C11orf24: variants seen among roughly 807,000 people sequenced by gnomAD.
C11orf24 encodes the protein chromosome 11 open reading frame 24, also known as uncharacterized protein C11orf24.
C11orf24 carries 5 observed loss-of-function variants against 7.3 expected under a neutral mutation model. That is an observed-to-expected ratio of 0.69 (90% confidence interval 0.36 to 1.45). The LOEUF is 1.45. Among genes scored for constraint, C11orf24 ranks in the 40% most tolerant of loss-of-function variants. C11orf24 has a pLI of 0.03. For synonymous variants in C11orf24, 233 were observed against 235.7 expected, an observed-to-expected ratio of 0.99 and a Z score of 0.11; for missense variants, 566 against 590.5, an observed-to-expected ratio of 0.96 and a Z score of 0.43.
rs1179962863 is a variant in C11orf24 at position 68,262,661 on chromosome 11, AG to A, written c.333del (p.Ser112ProfsTer15). On this transcript the variant is annotated frameshift_variant, in exon 4 of 4. Coordinates refer to ENST00000304271, the MANE Select transcript of C11orf24 (RefSeq NM_022338.4). LOFTEE classifies it low-confidence loss of function (END_TRUNC). ...GVTSIAPTAV[A>X]SSTTAASITT... ...GTAATGGAGGCCGCAGTCGTACTGGAGGCCACAGCCGTGGGAGCAATGGAGG... is the reference window on the plus strand; with the variant it reads ...GTAATGGAGGCCGCAGTCGTACTGGAGCCACAGCCGTGGGAGCAATGGAGG... 1 of 1,614,064 alleles carries A rather than the reference AG, an allele frequency of 6.2e-7. No individual in the cohort carries two copies. Among genetic ancestry groups the A allele is most frequent in the East Asian group, 2.2e-5 (1 of 44,878 alleles).
At chr11:68,267,745 TGA>T (rs2098565943) in intron 2 of C11orf24, 1 of 152,322 alleles carries the variant, frequency 6.6e-6, no homozygotes. Context: ...CCCAGCTACT[TGA>T]GAGGCTGAGG....
rs549353420 is a variant in C11orf24, at chr11:68,262,653, C to T, written c.342G>A (p.Thr114=). Residue 114 remains threonine (T), a synonymous_variant, in exon 4 of 4, where the codon ACG becomes ACA. Transcript: ENST00000304271. ...CCGCAGTCGTAATGGAGGCCGCAGT[C>T]GTACTGGAGGCCACAGCCGTGGGAG... is the stretch of plus-strand genomic sequence containing the variant. ...SIAPTAVASS[T]TAASITTAAS... The T allele has an allele frequency of 1.1e-5, 17 of 1,614,014 alleles. No homozygotes were observed. Among genetic ancestry groups the T allele is most frequent in the African/African-American group, 4.0e-5 (3 of 74,990 alleles).
At position 68,261,968 on chromosome 11, in the gene C11orf24, C is replaced by T; in HGVS notation, c.1027G>A (p.Ala343Thr). 1 of 1,613,934 alleles carries T rather than the reference C, an allele frequency of 6.2e-7. No individual in the cohort carries two copies. The highest frequency in any genetic ancestry group is 8.5e-7 in the Non-Finnish European group (1 of 1,180,024). The stretch of plus-strand genomic sequence containing the variant: ...GCTTCAGTCTCTACCTGCTCCGGTG[C>T]CTGGGATGTGCCTGGCCCAGCGGCC... ...QRAAGPGTSQ[A>T]PEQVETEATP... Residue 343 changes from alanine to threonine, a missense_variant, in exon 4 of 4, where the codon GCA becomes ACA. Physicochemically the swap from Ala to Thr is moderately conservative, Grantham distance 58. Coordinates refer to ENST00000304271, the MANE Select transcript of C11orf24 (RefSeq NM_022338.4).
chr11:68,264,613 TCCA>T (rs2098563892), intron 2 of C11orf24, among the ~76,000 whole-genome samples: 1 of 89,064 alleles, frequency 1.1e-5, no homozygotes. Context: ...CATCCATCCA[TCCA>T]TCCATCCACC....
At chr11:68,267,755 A>T (rs2098565952) in intron 2 of C11orf24, 2 of 152,396 alleles carry the variant, frequency 1.3e-5, no homozygotes, top group African/African-American at 4.8e-5. Flanking sequence ...TGAGAGGCTG[A>T]GGTGGGAGGA....
chr11:68,266,073 T>C (rs767464422), intron 2 of C11orf24, among the ~76,000 whole-genome samples: 1 of 152,170 alleles, frequency 6.6e-6, no homozygotes, highest in Non-Finnish European at 1.5e-5. Flanking sequence ...CAAGAGACCA[T>C]GCAAGGGGAG....
At position 68,263,786 on chromosome 11, in the gene C11orf24, G is replaced by C. The variant is rs759236638; in HGVS notation, c.-19C>G. ...TCCACATCTTGTGGGTGAGCTGGGAGCAAGGCTGGGCGGTCCCCGAGGCTC... is the reference window on the plus strand; with the variant it reads ...TCCACATCTTGTGGGTGAGCTGGGACCAAGGCTGGGCGGTCCCCGAGGCTC... On this transcript the variant is annotated 5_prime_UTR_variant, in exon 3 of 4. Coordinates refer to ENST00000304271, the MANE Select transcript of C11orf24 (RefSeq NM_022338.4). The C allele has an allele frequency of 1.9e-6, 3 of 1,606,548 alleles. No individual in the cohort carries two copies. In the South Asian group the frequency reaches 3.3e-5, roughly 18 times the overall value.
rs775556767 is a variant in C11orf24 at position 68,261,917 on chromosome 11, G to A, written c.1078C>T (p.Pro360Ser). 6.2e-7 allele frequency: 1 copy of A among 1,613,918 alleles called. No homozygotes were observed. The highest frequency in any genetic ancestry group is 8.5e-7 in the Non-Finnish European group (1 of 1,180,042). ...EATPGTDSTGPTPRSSGGTKM... is the reference protein window; with the variant it reads ...EATPGTDSTGSTPRSSGGTKM... ...GTGCCCCCTGAGCTCCTGGGTGTTG[G>A]CCCAGTGGAATCAGTACCTGGTGTG... Residue 360 changes from proline (P) to serine (S), a missense_variant, in exon 4 of 4, where the codon CCA (proline) becomes TCA (serine). Coordinates refer to ENST00000304271, the MANE Select transcript of C11orf24 (RefSeq NM_022338.4).
Position 68,261,424 on chromosome 11 carries a change from C to T in C11orf24, c.*221G>A. 2 of 523,134 alleles carry T rather than the reference C, an allele frequency of 3.8e-6. No individual in the cohort carries two copies. The highest frequency in any genetic ancestry group is 6.7e-6 in the Non-Finnish European group (2 of 296,368). The allele number at this position is 523,134 out of a possible 1,614,324, so 32.4% of individuals were successfully genotyped here. A position where few individuals can be genotyped will look rare whatever the true frequency, so the allele number is the denominator to read the frequency against. On this transcript the variant is annotated 3_prime_UTR_variant, in exon 4 of 4. Coordinates refer to ENST00000304271, the MANE Select transcript of C11orf24 (RefSeq NM_022338.4). ...CCCGCCCCACCCTGAGGTGGAACCC[C>T]CAGCTGCTCCTGGGCACAGAATCAT... is the stretch of plus-strand genomic sequence containing the variant.
intron 2 of C11orf24, among the ~76,000 whole-genome samples, chr11:68,264,686 A>G (rs66681312): frequency 0.16 from 5,067 of 31,204 alleles, 170 homozygotes; most frequent in South Asian, 0.22. Context: ...CTGTTCATCT[A>G]TCCATCCATC....
intron 1 of C11orf24, among the ~76,000 whole-genome samples, chr11:68,269,404 A>G (rs2098566766): frequency 6.6e-6 from 1 of 152,232 alleles, no homozygotes; most frequent in Admixed American, 6.5e-5. Context: ...ATTGATGAAT[A>G]TTTAACGCGT....
In C11orf24 at chr11:68,262,417, G is replaced by A; in HGVS notation, c.578C>T (p.Ala193Val). The change falls in exon 4 of 4, where the codon GCA (alanine) becomes GTA (valine). Residue 193 changes from alanine (A) to valine (V), a missense_variant. Coordinates refer to ENST00000304271, the MANE Select transcript of C11orf24 (RefSeq NM_022338.4). ...CAACGCGCTGCTCTTTGGCACTTGT[G>A]CGAGGGCTGTGCTGAGAGATGGATG... ...TGHPSLSTAL[A>V]QVPKSSALPR... The A allele has an allele frequency of 6.2e-7, 1 of 1,614,184 alleles. No individual in the cohort carries two copies. The highest frequency in any genetic ancestry group is 1.1e-5 in the South Asian group (1 of 91,090).
chr11:68,262,359 T>C lies in C11orf24; in HGVS notation c.636A>G (p.Thr212=). 6.2e-7 allele frequency: 1 copy of C among 1,614,128 alleles called. No individual in the cohort carries two copies. Among genetic ancestry groups the C allele is most frequent in the Non-Finnish European group, 8.5e-7 (1 of 1,179,998 alleles). ...PRTATLATLA[T]RAQTVATTAN... is the part of the protein sequence containing the mutation. Reference sequence around the variant, plus strand: ...CTGTGGTCGCTACAGTCTGAGCACGTGTGGCCAATGTGGCCAGGGTTGCTG... The same window carrying C: ...CTGTGGTCGCTACAGTCTGAGCACGCGTGGCCAATGTGGCCAGGGTTGCTG... Residue 212 remains threonine, a synonymous_variant, in exon 4 of 4, where the codon ACA becomes ACG. Transcript: ENST00000304271.
rs1020837570 is a variant in C11orf24 at position 68,261,696 on chromosome 11, G to A, written c.1299C>T (p.Tyr433=). ...CGTTGATTAAGTAGTCCACCTGGGT[G>A]TAGTCCTTCTTCTTGTAGCTCTCAT... ...QAYESYKKKD[Y]TQVDYLINGM... The change falls in exon 4 of 4, where the codon TAC becomes TAT. Residue 433 remains tyrosine, a synonymous_variant. Coordinates refer to ENST00000304271, the MANE Select transcript of C11orf24 (RefSeq NM_022338.4). 1 of 1,614,132 alleles carries A rather than the reference G, an allele frequency of 6.2e-7. No homozygotes were observed. Among genetic ancestry groups the A allele is most frequent in the Non-Finnish European group, 8.5e-7 (1 of 1,179,986 alleles).
At chr11:68,266,161 T>G (rs1023435933) in intron 2 of C11orf24, among the ~76,000 whole-genome samples, 5 of 152,090 alleles carry the variant, frequency 3.3e-5, no homozygotes, top group African/African-American at 1.2e-4. Context: ...ACTAACCAAG[T>G]GACATGTGCA....
In C11orf24 at chr11:68,263,707, C is replaced by A. The variant is rs1354381014; in HGVS notation, c.61G>T (p.Ala21Ser). The change falls in exon 3 of 4, where the codon GCA becomes TCA. Residue 21 changes from alanine to serine, a missense_variant. Transcript: ENST00000304271. Reference sequence around the variant, plus strand: ...TCTCACTTACGTGGATCGTTGGATGCCGCATGGCTTTCAGATAAGGACAAG... The same window carrying A: ...TCTCACTTACGTGGATCGTTGGATGACGCATGGCTTTCAGATAAGGACAAG... ...FSLSLSESHA[A>S]SNDPRNFVPN... The A allele has an allele frequency of 6.2e-7, 1 of 1,613,384 alleles. No individual in the cohort carries two copies. Among genetic ancestry groups the A allele is most frequent in the African/African-American group, 1.3e-5 (1 of 74,948 alleles).
chr11:68,271,402 G>C (rs79666127), intron 1 of C11orf24, among the ~76,000 whole-genome samples: 1 of 152,058 alleles, frequency 6.6e-6, no homozygotes, highest in Non-Finnish European at 1.5e-5. Flanking sequence ...GGTAGAGAGA[G>C]GGTCTGGGGG....
Position 68,261,685 on chromosome 11 carries a change from T to C in C11orf24, c.1310A>G (p.Asp437Gly), listed in dbSNP as rs756577906. 1.9e-6 allele frequency: 3 copies of C among 1,613,182 alleles called. No homozygotes were observed. Among genetic ancestry groups the C allele is most frequent in the Admixed American group, 3.3e-5 (2 of 59,998 alleles). Residue 437 changes from aspartate (D) to glycine (G), a missense_variant, in exon 4 of 4, where the codon GAC becomes GGC. Coordinates refer to ENST00000304271, the MANE Select transcript of C11orf24 (RefSeq NM_022338.4). ...CGCATACATCCCGTTGATTAAGTAGTCCACCTGGGTGTAGTCCTTCTTCTT... is the reference window on the plus strand; with the variant it reads ...CGCATACATCCCGTTGATTAAGTAGCCCACCTGGGTGTAGTCCTTCTTCTT... The part of the protein sequence containing the change: ...SYKKKDYTQV[D>G]YLINGMYADS...
At chr11:68,263,640 G>A in intron 3 of C11orf24, 52 bp downstream of exon 3, 1 of 1,538,108 alleles carries the variant, frequency 6.5e-7, no homozygotes, top group Non-Finnish European at 9.0e-7. Flanking sequence ...GGCTCAGCAT[G>A]CTTTGTGGCC....
Sources: allele counts gnomAD v4.1 joint callset (sites outside exome capture counted in the v4.1 genomes callset), GRCh38; gene constraint gnomAD v4.1.1; transcripts MANE v1.5; gene names NCBI Gene and HGNC (gene_info 2026-07-23, HGNC 2026-07-21).